Variants in NLGN4X observed in about 807,000 individuals in gnomAD.
NLGN4X encodes neuroligin-4, X-linked.
NLGN4X carries 3 observed loss-of-function variants against 40.3 expected under a neutral mutation model. The observed-to-expected ratio is 0.07, with a 90% CI of 0.03 to 0.19. The LOEUF is 0.19. Among genes scored for constraint, NLGN4X ranks in the 10% least tolerant of loss-of-function variants. The pLI, the probability that NLGN4X is intolerant of heterozygous loss-of-function variation, is 1.00. For missense variants in NLGN4X, 382 were observed against 708.3 expected, an observed-to-expected ratio of 0.54 and a Z score of 5.23; for synonymous variants, 270 against 306.8, an observed-to-expected ratio of 0.88 and a Z score of 1.25.
In NLGN4X at chrX:6,029,326, G is replaced by A. The variant is rs398124366; in HGVS notation, c.579C>T (p.Tyr193=). 296 of 1,209,162 alleles carry A rather than the reference G, an allele frequency of 2.4e-4. 2 individuals are homozygous for A. In the South Asian group the frequency reaches 4.9e-3, roughly 20 times the overall value. ...TAATGGTGATCACGATGACGTTTCC[G>A]TAGCTTGCCAAAATGCTGCCGTCAA... ...NMIDGSILAS[Y]GNVIVITINY... Residue 193 remains tyrosine, a synonymous_variant, in exon 3 of 6, where the codon TAC becomes TAT. Transcript: ENST00000381095.
intron 2 of NLGN4X, among the ~76,000 whole-genome samples, chrX:6,057,621 A>G (rs1048860338): frequency 5.3e-5 from 6 of 112,380 alleles, no homozygotes; most frequent in African/African-American, 1.6e-4. Flanking sequence ...GTATATATGT[A>G]AGGGTCACAG....
intron 2 of NLGN4X, among the ~76,000 whole-genome samples, chrX:6,058,398 C>T (rs1289696659): frequency 9.0e-6 from 1 of 111,643 alleles, no homozygotes; most frequent in Admixed American, 9.5e-5. Context: ...TTTAAAATTC[C>T]ATGAAAATTA....
At chrX:6,052,000 G>A (rs138393297) in intron 2 of NLGN4X, among the ~76,000 whole-genome samples, 83 of 111,021 alleles carry the variant, frequency 7.5e-4, no homozygotes, top group African/African-American at 2.1e-3. Context: ...ACGTGTCGCC[G>A]TATTGGGAGA....
At chrX:5,943,488 T>C (rs912102869) in intron 3 of NLGN4X, among the ~76,000 whole-genome samples, 31 of 112,119 alleles carry the variant, frequency 2.8e-4, no homozygotes, top group Non-Finnish European at 1.9e-4. Context: ...ACAGGTTGGA[T>C]AATTTGTTAC....
rs186026946 is a variant in NLGN4X at position 5,930,222 on chromosome X, C to T, written c.626-20983G>A. Among the ~76,000 whole-genome samples the T allele has an allele frequency of 8.9e-5, 10 of 112,469 alleles. No individual in the cohort carries two copies. The East Asian group carries it at 2.8e-3, about 32-fold the overall frequency. On this transcript the variant is annotated intron_variant, in intron 3 of 5. Transcript: ENST00000381095. ...TAGACTGGGATAAATTAATTCTTAG[C>T]CCTATATAGGACAGATACATATTTT...
At chrX:6,089,599 C>T (rs1052806960) in intron 2 of NLGN4X, among the ~76,000 whole-genome samples, 1 of 112,191 alleles carries the variant, frequency 8.9e-6, no homozygotes, top group Non-Finnish European at 1.9e-5. Flanking sequence ...AGAGAGAAGT[C>T]GGTAAAGTTA....
At chrX:5,963,505 T>C (rs2034727757) in intron 3 of NLGN4X, among the ~76,000 whole-genome samples, 1 of 111,766 alleles carries the variant, frequency 8.9e-6, no homozygotes. Flanking sequence ...GAAAAAGATG[T>C]ATTAGCAGCC....
At chrX:6,220,454 C>G (rs1214279902) in intron 1 of NLGN4X, among the ~76,000 whole-genome samples, 1 of 105,585 alleles carries the variant, frequency 9.5e-6, no homozygotes, top group East Asian at 2.9e-4. Flanking sequence ...TAAAAGTTGT[C>G]TATTTCTCCA....
chrX:6,222,112 A>G (rs978147357), intron 1 of NLGN4X, among the ~76,000 whole-genome samples: 4 of 111,616 alleles, frequency 3.6e-5, no homozygotes. Context: ...CTTATATGAC[A>G]GGCTAAGTTT....
rs182233835 is a variant in NLGN4X, at chrX:6,047,536, G to A, written c.473-18104C>T. ...ATGGAGTAGGAAGATGGAAATATCT[G>A]AAAGGAATCAGACGCGATTGAAAAA... On this transcript the variant is annotated intron_variant, in intron 2 of 5. Coordinates refer to ENST00000381095, the MANE Select transcript of NLGN4X (RefSeq NM_181332.3). Among the ~76,000 whole-genome samples the A allele has an allele frequency of 8.0e-5, 9 of 111,992 alleles. No individual in the cohort carries two copies. In the South Asian group the frequency reaches 3.0e-3, roughly 37 times the overall value.
chrX:5,937,260 A>C (rs2033763433), intron 3 of NLGN4X, among the ~76,000 whole-genome samples: 1 of 110,721 alleles, frequency 9.0e-6, no homozygotes, highest in Non-Finnish European at 1.9e-5. Context: ...TATTTTTTGT[A>C]GAGACAGGAT....
chrX:6,216,391 A>T (rs16983988), intron 1 of NLGN4X, among the ~76,000 whole-genome samples: 16,109 of 111,489 alleles, frequency 0.14, 1,085 homozygotes, highest in African/African-American at 0.25. Context: ...ACACTGCTGG[A>T]TAAATTCCCT....
intron 1 of NLGN4X, among the ~76,000 whole-genome samples, chrX:6,181,628 T>G (rs1007689332): frequency 9.0e-6 from 1 of 111,652 alleles, no homozygotes; most frequent in Admixed American, 9.5e-5. Context: ...GCCAAAGGGC[T>G]CAGTGCTACC....
At chrX:6,067,105 T>TCCCC (rs139427925) in intron 2 of NLGN4X, among the ~76,000 whole-genome samples, 2 of 102,416 alleles carry the variant, frequency 2.0e-5, no homozygotes, top group Non-Finnish European at 4.0e-5. Context: ...TGAGATACAG[T>TCCCC]CCCCCCCCCA....
chrX:5,952,021 C>T (rs931102133), intron 3 of NLGN4X, among the ~76,000 whole-genome samples: 1 of 112,151 alleles, frequency 8.9e-6, no homozygotes, highest in East Asian at 2.8e-4. Context: ...AAAATAGAGG[C>T]AGTGGAGATT....
chrX:6,212,889 C>G (rs369880058), intron 1 of NLGN4X, among the ~76,000 whole-genome samples: 16 of 111,968 alleles, frequency 1.4e-4, no homozygotes, highest in African/African-American at 4.9e-4. Context: ...CAAAGCATAT[C>G]TAAAATATCC....
At chrX:6,115,742 G>T (rs1333538482) in intron 2 of NLGN4X, among the ~76,000 whole-genome samples, 1 of 111,637 alleles carries the variant, frequency 9.0e-6, no homozygotes, top group Non-Finnish European at 1.9e-5. Flanking sequence ...AGGTAAGGAG[G>T]TCAAGGCAGA....
intron 1 of NLGN4X, among the ~76,000 whole-genome samples, chrX:6,188,206 CCAT>C (rs1417301018): frequency 8.9e-6 from 1 of 112,035 alleles, no homozygotes; most frequent in African/African-American, 3.2e-5. Flanking sequence ...TTTAAAATGT[CCAT>C]CAAGTACTAA....
chrX:5,944,067 G>T (rs929154309), intron 3 of NLGN4X, among the ~76,000 whole-genome samples: 8 of 112,005 alleles, frequency 7.1e-5, no homozygotes, highest in Admixed American at 5.7e-4. Flanking sequence ...ACCTGGCTTG[G>T]ACATGAAATG....
Sources: gnomAD v4.1 joint callset for allele counts (sites outside exome capture counted in the v4.1 genomes callset) on GRCh38, gnomAD v4.1.1 for gene constraint, MANE v1.5 for transcripts, NCBI Gene and HGNC (gene_info 2026-07-23, HGNC 2026-07-21) for gene names.